The following C2orf74 variants were observed in gnomAD, a reference collection of about 807,000 sequenced individuals.
C2orf74 encodes the protein DPM1 ER membrane anchor 1.
C2orf74 carries 14 observed loss-of-function variants against 17.9 expected under a neutral mutation model. That is an observed-to-expected ratio of 0.78 (90% CI 0.52 to 1.22). The LOEUF (loss-of-function observed/expected upper bound fraction) is 1.22, where lower values mean the gene tolerates loss of function less well. Ranked by LOEUF, C2orf74 falls within the 50% of genes most tolerant of loss-of-function variation. The pLI, the probability that C2orf74 is intolerant of heterozygous loss-of-function variation, is 0.00. For missense variants in C2orf74, 217 were observed against 218.4 expected, an observed-to-expected ratio of 0.99 and a Z score of 0.04; for synonymous variants, 79 against 72.6, an observed-to-expected ratio of 1.09 and a Z score of -0.44.
In C2orf74 at chr2:61,162,498, G is replaced by T. The variant is rs1412240086; in HGVS notation, c.-17G>T. On this transcript the variant is annotated 5_prime_UTR_variant, in exon 2 of 5. Transcript: ENST00000432605. Reference sequence around the variant, plus strand: ...AGTCTGTGATTGTGAGAGTGGATGAGTCTTCTAGCTAAACCTATGAGCTTT... The same window carrying T: ...AGTCTGTGATTGTGAGAGTGGATGATTCTTCTAGCTAAACCTATGAGCTTT... 6.5e-7 allele frequency: 1 copy of T among 1,543,590 alleles called. No individual in the cohort carries two copies. The highest frequency in any genetic ancestry group is 1.2e-5 in the South Asian group (1 of 83,252).
At chr2:61,155,760 T>C (rs1397271725) in intron 1 of C2orf74, among the ~76,000 whole-genome samples, 1 of 152,092 alleles carries the variant, frequency 6.6e-6, no homozygotes, top group African/African-American at 2.4e-5. Context: ...AACCACGTTA[T>C]CCACCCGGCT....
intron 1 of C2orf74, among the ~76,000 whole-genome samples, chr2:61,150,974 A>C (rs1685209518): frequency 6.6e-6 from 1 of 151,924 alleles, no homozygotes; most frequent in Non-Finnish European, 1.5e-5. Flanking sequence ...TGCTTTCACT[A>C]AGAATTGGCT....
In C2orf74 at chr2:61,163,068, A is replaced by G. The variant is rs1428663975; in HGVS notation, c.226A>G (p.Met76Val). The G allele has an allele frequency of 6.4e-7, 1 of 1,552,130 alleles. No homozygotes were observed. The highest frequency in any genetic ancestry group is 1.2e-5 in the South Asian group (1 of 84,062). Residue 76 changes from methionine (M) to valine (V), a missense_variant, in exon 4 of 5, where the codon ATG (methionine) becomes GTG (valine). Transcript: ENST00000432605. ...EDHERILMQV[M>V]NLNVPMRPGI... ...ATTTTCTAGGATCTTAATGCAAGTC[A>G]TGAACTTGAATGTGCCGATGAGGCC...
At chr2:61,157,713 A>G (rs528203172), upstream of C2orf74, 27 of 362,236 alleles carry the variant, frequency 7.5e-5, no homozygotes, top group African/African-American at 5.6e-4. Context: ...TTTAGATCAC[A>G]TGTTGACCCT....
upstream of C2orf74, chr2:61,159,492 C>T (rs148324233): frequency 0.018 from 3,178 of 172,414 alleles, 47 homozygotes; most frequent in Middle Eastern, 0.045. Flanking sequence ...GACGGGGTTT[C>T]GCCATGATGG....
In C2orf74 at chr2:61,162,559, A is replaced by G. The variant is rs1685592963; in HGVS notation, c.45A>G (p.Leu15=). The G allele has an allele frequency of 1.3e-6, 2 of 1,551,544 alleles. No individual in the cohort carries two copies. The highest frequency in any genetic ancestry group is 1.2e-5 in the South Asian group (1 of 84,032). The change falls in exon 2 of 5, where the codon CTA becomes CTG. Residue 15 remains leucine, a synonymous_variant. Coordinates refer to ENST00000432605, the MANE Select transcript of C2orf74 (RefSeq NM_001143959.4). The stretch of plus-strand genomic sequence containing the variant: ...CAATCACTTTCTTCATCATCCTTCT[A>G]ATTTGCCTCATTTGCATCCTCCTCT... ...TTAITFFIIL[L]ICLICILLLL...
chr2:61,146,071 TGTAAA>T (rs758868687), intron 1 of C2orf74, among the ~76,000 whole-genome samples: 5 of 152,222 alleles, frequency 3.3e-5, no homozygotes, highest in Admixed American at 6.5e-5. Flanking sequence ...CTTGCATACA[TGTAAA>T]GTAATATGTG....
At chr2:61,146,446 T>A (rs764252565) in intron 1 of C2orf74, among the ~76,000 whole-genome samples, 1 of 152,206 alleles carries the variant, frequency 6.6e-6, no homozygotes, top group African/African-American at 2.4e-5. Context: ...TCTCAATGTA[T>A]TCCTCATTAT....
intron 4 of C2orf74, among the ~76,000 whole-genome samples, chr2:61,163,803 A>G (rs1382337888): frequency 1.3e-5 from 2 of 152,020 alleles, no homozygotes; most frequent in Admixed American, 1.3e-4. Flanking sequence ...GTTTTTCTTA[A>G]TAATTCCCCT....
At chr2:61,146,292 A>G (rs887172571) in intron 1 of C2orf74, among the ~76,000 whole-genome samples, 1 of 152,248 alleles carries the variant, frequency 6.6e-6, no homozygotes, top group African/African-American at 2.4e-5. Context: ...CAAACAGTGT[A>G]TAAATTATGC....
chr2:61,158,398 G>A (rs903370884), upstream of C2orf74, among the ~76,000 whole-genome samples: 1 of 152,310 alleles, frequency 6.6e-6, no homozygotes, highest in South Asian at 2.1e-4. Flanking sequence ...GCCTGGGACT[G>A]GAGCTGGATA....
At chr2:61,158,016 G>C, upstream of C2orf74, 2 of 471,122 alleles carry the variant, frequency 4.2e-6, no homozygotes, top group Admixed American at 2.3e-5. Flanking sequence ...GCAGGAGGTA[G>C]GCAGTAGGGC....
chr2:61,163,699 A>C (rs1685644505), intron 4 of C2orf74, among the ~76,000 whole-genome samples: 1 of 152,130 alleles, frequency 6.6e-6, no homozygotes, highest in Non-Finnish European at 1.5e-5. Context: ...GCCCACAGTC[A>C]TTTAAGCCAT....
At chr2:61,154,538 C>T in intron 1 of C2orf74, among the ~76,000 whole-genome samples, 1 of 152,234 alleles carries the variant, frequency 6.6e-6, no homozygotes, top group South Asian at 2.1e-4. Context: ...AAATAGATCA[C>T]ACTGATTTAA....
upstream of C2orf74, chr2:61,159,487 G>T (rs565102745): frequency 1.8e-4 from 32 of 173,232 alleles, no homozygotes; most frequent in Non-Finnish European, 6.2e-5. Flanking sequence ...GTTGAGACGG[G>T]GTTTCGCCAT....
At chr2:61,148,301 C>T (rs570680957) in intron 1 of C2orf74, among the ~76,000 whole-genome samples, 4 of 151,918 alleles carry the variant, frequency 2.6e-5, no homozygotes, top group Admixed American at 1.3e-4. Context: ...ATTCTCCTGC[C>T]TCAGCCTCCT....
intron 1 of C2orf74, among the ~76,000 whole-genome samples, chr2:61,149,559 A>ATC (rs146700480): frequency 7.0e-6 from 1 of 142,192 alleles, no homozygotes; most frequent in Non-Finnish European, 1.5e-5. Flanking sequence ...CCCCGTCTAG[A>ATC]TGTTGGGCGC....
chr2:61,157,692 A>T (rs940461681), upstream of C2orf74, among the ~76,000 whole-genome samples: 1 of 152,142 alleles, frequency 6.6e-6, no homozygotes, highest in African/African-American at 2.4e-5. Context: ...CACTGAGGTT[A>T]ATTAAGCTGA....
intron 4 of C2orf74, among the ~76,000 whole-genome samples, chr2:61,163,456 T>C (rs553003063): frequency 2.0e-3 from 297 of 151,366 alleles, no homozygotes; most frequent in African/African-American, 6.9e-3. Flanking sequence ...ATACAAAAAT[T>C]AGCTGGGCGT....
Sources: gnomAD v4.1 joint callset for allele counts (sites outside exome capture counted in the v4.1 genomes callset) on GRCh38, gnomAD v4.1.1 for gene constraint, MANE v1.5 for transcripts, NCBI Gene and HGNC (gene_info 2026-07-23, HGNC 2026-07-21) for gene names.